Variants in CRYBG1 observed in about 807,000 individuals in gnomAD.
CRYBG1 encodes crystallin beta-gamma domain containing 1, also known as beta/gamma crystallin domain-containing protein 1.
A neutral mutation model predicts 189.2 loss-of-function variants in CRYBG1; 139 were observed. The ratio of observed to expected loss-of-function variants is 0.73; its 90% CI spans 0.64 to 0.85. CRYBG1 has a LOEUF of 0.85. Among genes scored for constraint, CRYBG1 ranks in the 40% least tolerant of loss-of-function variants. The pLI, the probability that CRYBG1 is intolerant of heterozygous loss-of-function variation, is 0.00. For missense variants in CRYBG1, 2,611 were observed against 2,675.8 expected (o/e 0.98, Z 0.53); for synonymous variants, 1,023 against 1,017.1 (o/e 1.01, Z -0.11).
Position 106,525,140 on chromosome 6 carries a change from G to C in CRYBG1, c.4253G>C (p.Arg1418Thr). 1.9e-6 allele frequency: 3 copies of C among 1,613,948 alleles called. No individual in the cohort carries two copies. The highest frequency in any genetic ancestry group is 2.5e-6 in the Non-Finnish European group (3 of 1,179,832). ...TTGTTCATCTGATTGCAGACACTTA[G>C]AGGAAGTGTCCAAAATAAACTCAAT... ...GMSLSDTMTL[R>T]GSVQNKLNPR... Residue 1418 changes from arginine to threonine, a missense_variant, in exon 5 of 22, where the codon AGA (arginine) becomes ACA (threonine). Arg to Thr is a moderately conservative substitution (Grantham distance 71, BLOSUM62 -1). Coordinates refer to ENST00000633556, the MANE Select transcript of CRYBG1 (RefSeq NM_001371242.2).
chr6:106,415,755 G>T (rs1329393459), intron 1 of CRYBG1, among the ~76,000 whole-genome samples: 1 of 151,980 alleles, frequency 6.6e-6, no homozygotes, highest in African/African-American at 2.4e-5. Context: ...CTGCTTAGTT[G>T]GTGCACTTTG....
At chr6:106,490,599 G>T (rs946232976) in intron 2 of CRYBG1, among the ~76,000 whole-genome samples, 2 of 152,136 alleles carry the variant, frequency 1.3e-5, no homozygotes, top group Admixed American at 1.3e-4. Context: ...AATATGATAT[G>T]GAAGGGCAGG....
chr6:106,521,034 G>A lies in CRYBG1; in HGVS notation c.3826G>A (p.Gly1276Ser), dbSNP rs747292072. 5.6e-6 allele frequency: 9 copies of A among 1,614,100 alleles called. No homozygotes were observed. In the East Asian group the frequency reaches 6.7e-5, roughly 12 times the overall value. The change falls in exon 4 of 22, where the codon GGT becomes AGT. Residue 1276 changes from glycine (G) to serine (S), a missense_variant. Around this residue, in one of 3 missense-constraint regions of CRYBG1, gnomAD observed 1,622 missense variants for 1,735.0 expected, o/e 0.93. Coordinates refer to ENST00000633556, the MANE Select transcript of CRYBG1 (RefSeq NM_001371242.2). ...MTTAFSTSQN[G>S]SLSQSSVSQP... ...CACGGCTTTCAGTACTTCTCAGAAC[G>A]GTTCCCTATCTCAGTCTTCAGTGTC...
chr6:106,537,642 A>G (rs1774034534), intron 8 of CRYBG1, among the ~76,000 whole-genome samples: 1 of 152,348 alleles, frequency 6.6e-6, no homozygotes, highest in East Asian at 1.9e-4. Context: ...ATATAAGCTG[A>G]GTGAATTTTC....
chr6:106,552,846 G>A (rs1249325167), intron 15 of CRYBG1, among the ~76,000 whole-genome samples: 2 of 152,090 alleles, frequency 1.3e-5, no homozygotes, highest in African/African-American at 4.8e-5. Context: ...TCTAGTTATT[G>A]TGATGGTAAA....
chr6:106,553,093 C>T (rs756127774), intron 15 of CRYBG1, among the ~76,000 whole-genome samples: 17 of 152,234 alleles, frequency 1.1e-4, no homozygotes, highest in Non-Finnish European at 2.9e-5. Flanking sequence ...AAGGAAACTA[C>T]ACTATGTCTT....
At chr6:106,545,472 T>C (rs926335564) in intron 13 of CRYBG1, among the ~76,000 whole-genome samples, 2 of 152,254 alleles carry the variant, frequency 1.3e-5, no homozygotes, top group African/African-American at 2.4e-5. Context: ...CCAAGCTAAA[T>C]TGGCTCAAGG....
chr6:106,362,328 T>C (rs530529235), intron 1 of CRYBG1, among the ~76,000 whole-genome samples: 60 of 152,288 alleles, frequency 3.9e-4, no homozygotes, highest in African/African-American at 1.4e-3. Context: ...CTTATTGTAT[T>C]GAGTACCTTA....
intron 8 of CRYBG1, among the ~76,000 whole-genome samples, chr6:106,533,909 C>A (rs1582823204): frequency 1.3e-5 from 2 of 152,106 alleles, no homozygotes; most frequent in South Asian, 4.1e-4. Flanking sequence ...TGTATTTAAA[C>A]CAGGCACAGG....
At chr6:106,562,714 C>T (rs1316435029) in intron 20 of CRYBG1, among the ~76,000 whole-genome samples, 1 of 152,212 alleles carries the variant, frequency 6.6e-6, no homozygotes, top group East Asian at 1.9e-4. Flanking sequence ...GTCTTGATCT[C>T]CTGACCTCGT....
At chr6:106,436,717 T>G (rs11966964) in intron 1 of CRYBG1, among the ~76,000 whole-genome samples, 6,941 of 152,300 alleles carry the variant, frequency 0.046, 491 homozygotes, top group African/African-American at 0.15. Flanking sequence ...TGAATGGGTT[T>G]TTTGCAAATT....
intron 2 of CRYBG1, among the ~76,000 whole-genome samples, chr6:106,507,806 G>A (rs1463279053): frequency 6.6e-6 from 1 of 152,208 alleles, no homozygotes; most frequent in Non-Finnish European, 1.5e-5. Flanking sequence ...TTACTCAGGA[G>A]GTATGGGGCA....
chr6:106,391,968 T>TGTGTGC (rs780044542), intron 1 of CRYBG1, among the ~76,000 whole-genome samples: 13 of 59,440 alleles, frequency 2.2e-4, no homozygotes, highest in African/African-American at 1.3e-3. Context: ...TGTGTGTGTG[T>TGTGTGC]GTGCGTGCGC....
At chr6:106,446,323 A>C (rs1017466059) in intron 1 of CRYBG1, among the ~76,000 whole-genome samples, 3 of 152,164 alleles carry the variant, frequency 2.0e-5, no homozygotes, top group African/African-American at 7.2e-5. Context: ...CCAATGCCTT[A>C]ATTCAGAAGA....
At chr6:106,388,936 T>A (rs1352614037) in intron 1 of CRYBG1, among the ~76,000 whole-genome samples, 1 of 152,232 alleles carries the variant, frequency 6.6e-6, no homozygotes, top group Non-Finnish European at 1.5e-5. Context: ...TATTTTGTAC[T>A]TTTAAACCTA....
In CRYBG1 at chr6:106,512,786, G is replaced by A. The variant is rs760700168; in HGVS notation, c.1669G>A (p.Ala557Thr). 1.4e-5 allele frequency: 22 copies of A among 1,581,446 alleles called. No individual in the cohort carries two copies. Among genetic ancestry groups the A allele is most frequent in the Non-Finnish European group, 1.8e-5 (21 of 1,163,566 alleles). The change falls in exon 3 of 22, where the codon GCC (alanine) becomes ACC (threonine). Residue 557 changes from alanine (A) to threonine (T), a missense_variant. By Grantham distance (58) the Ala-to-Thr change is moderately conservative (BLOSUM62 0). Coordinates refer to ENST00000633556, the MANE Select transcript of CRYBG1 (RefSeq NM_001371242.2). ...CAGCCCAGTCACCAAGGGCACTGCG[G>A]CCGAGAGCGGGGAGGAGGCGGCGCG... is the stretch of plus-strand genomic sequence containing the variant. ...DPSPVTKGTA[A>T]ESGEEAARAI... is the part of the protein sequence containing the mutation.
rs11295015 is a variant in CRYBG1 at position 106,498,100 on chromosome 6, T to TA, written c.313-13312dup. ...TGGGCTACAGAGCGAGACTCCGTCTTAAAAAAAAAAAAAAAAAAGTCAGCT... is the reference window on the plus strand; with the variant it reads ...TGGGCTACAGAGCGAGACTCCGTCTTAAAAAAAAAAAAAAAAAAAGTCAGCT... On this transcript the variant is annotated intron_variant, in intron 2 of 21. Coordinates refer to ENST00000633556, the MANE Select transcript of CRYBG1 (RefSeq NM_001371242.2). 7.6e-3 allele frequency among the ~76,000 whole-genome samples: 938 copies of TA among 123,336 alleles called. 7 individuals are homozygous for TA. The highest frequency in any genetic ancestry group is 0.018 in the African/African-American group (594 of 32,868). 80.9% of individuals were successfully genotyped at this position (123,336 alleles called of 152,430 possible).
chr6:106,417,724 G>C (rs1397831865), intron 1 of CRYBG1, among the ~76,000 whole-genome samples: 1 of 152,376 alleles, frequency 6.6e-6, no homozygotes, highest in African/African-American at 2.4e-5. Flanking sequence ...ATGTGAGAGA[G>C]CGAGTGCAGG....
chr6:106,380,740 C>T (rs763429399), intron 1 of CRYBG1, among the ~76,000 whole-genome samples: 11 of 152,082 alleles, frequency 7.2e-5, no homozygotes, highest in Non-Finnish European at 1.5e-4. Context: ...AGGGTTTGTT[C>T]TGGTCTTAAA....
Sources: allele counts gnomAD v4.1 joint callset (sites outside exome capture counted in the v4.1 genomes callset), GRCh38; gene constraint gnomAD v4.1.1; regional missense constraint gnomAD v4.1.1; transcripts MANE v1.5; gene names NCBI Gene and HGNC (gene_info 2026-07-23, HGNC 2026-07-21).